The following CATSPERE variants were observed in gnomAD, a reference collection of about 807,000 sequenced individuals.
CATSPERE encodes catsper channel auxiliary subunit epsilon, also known as cation channel sperm-associated auxiliary subunit epsilon.
CATSPERE carries 93 observed loss-of-function variants against 114.1 expected under a neutral mutation model. The observed-to-expected ratio is 0.81, with a 90% CI of 0.69 to 0.97. The LOEUF is 0.97. CATSPERE is among the 50% of genes least tolerant of loss of function. The pLI, the probability that CATSPERE is intolerant of heterozygous loss-of-function variation, is 0.00. For synonymous variants in CATSPERE, 341 were observed against 384.1 expected (o/e 0.89, Z 1.31); for missense variants, 1,058 against 1,131.6 (o/e 0.93, Z 0.93).
intron 13 of CATSPERE, among the ~76,000 whole-genome samples, chr1:244,585,196 C>T (rs971233037): frequency 6.6e-6 from 1 of 152,206 alleles, no homozygotes; most frequent in South Asian, 2.1e-4. Flanking sequence ...TACTCTGAGC[C>T]TCAGCTGCCT....
chr1:244,592,211 A>G (rs369741257), intron 15 of CATSPERE, among the ~76,000 whole-genome samples: 152 of 152,274 alleles, frequency 1.0e-3, no homozygotes, highest in African/African-American at 3.5e-3. Flanking sequence ...CTAGCCGGGC[A>G]TGGTGGCTTA....
intron 19 of CATSPERE, among the ~76,000 whole-genome samples, chr1:244,611,776 T>A (rs1670763245): frequency 6.6e-6 from 1 of 152,092 alleles, no homozygotes. Context: ...AAAAGGCACC[T>A]AAATATTCTA....
chr1:244,514,801 C>T (rs912801632), intron 7 of CATSPERE, among the ~76,000 whole-genome samples: 1 of 146,758 alleles, frequency 6.8e-6, no homozygotes, highest in Non-Finnish European at 1.5e-5. Flanking sequence ...TGCACTCCAG[C>T]CTGGCGGACA....
intron 5 of CATSPERE, among the ~76,000 whole-genome samples, chr1:244,487,126 G>A (rs1316467598): frequency 2.6e-5 from 4 of 151,184 alleles, no homozygotes; most frequent in Non-Finnish European, 5.9e-5. Context: ...CTGGTGGGTG[G>A]TTCAGCGTGT....
At chr1:244,453,755 T>C (rs928553280), upstream of CATSPERE, among the ~76,000 whole-genome samples, 2 of 152,168 alleles carry the variant, frequency 1.3e-5, no homozygotes, top group Non-Finnish European at 2.9e-5. Flanking sequence ...TGTAGCCCCA[T>C]TGCAGGGCAG....
At chr1:244,514,227 A>G (rs1381640794) in intron 7 of CATSPERE, among the ~76,000 whole-genome samples, 2 of 152,206 alleles carry the variant, frequency 1.3e-5, no homozygotes, top group Non-Finnish European at 2.9e-5. Context: ...AGCTCTTAAC[A>G]TTTCAGGAAT....
intron 7 of CATSPERE, among the ~76,000 whole-genome samples, chr1:244,500,522 T>C (rs944055544): frequency 2.0e-5 from 3 of 152,174 alleles, no homozygotes; most frequent in African/African-American, 7.2e-5. Flanking sequence ...AATTTTTGTG[T>C]GAGGTTTAAG....
At chr1:244,625,707 G>A (rs1553391826) in intron 20 of CATSPERE, among the ~76,000 whole-genome samples, 2 of 151,220 alleles carry the variant, frequency 1.3e-5, no homozygotes, top group Admixed American at 6.6e-5. Context: ...GATTACAGGT[G>A]TGAGCCACCG....
intron 2 of CATSPERE, among the ~76,000 whole-genome samples, chr1:244,466,733 A>G (rs1401783229): frequency 6.6e-6 from 1 of 152,164 alleles, no homozygotes; most frequent in Non-Finnish European, 1.5e-5. Flanking sequence ...TTTTAGGTTT[A>G]TCAATAGTCA....
At chr1:244,620,432 C>T (rs1671942072) in intron 20 of CATSPERE, among the ~76,000 whole-genome samples, 1 of 152,172 alleles carries the variant, frequency 6.6e-6, no homozygotes, top group Non-Finnish European at 1.5e-5. Flanking sequence ...AATAGAAGCA[C>T]ATTGAGTGGG....
intron 7 of CATSPERE, 106 bp downstream of exon 7, chr1:244,499,185 C>A: frequency 2.8e-6 from 2 of 720,114 alleles, no homozygotes; most frequent in Non-Finnish European, 4.7e-6. Flanking sequence ...AAGCTGCCCA[C>A]ACCTAACTAA....
chr1:244,562,477 C>T (rs1195765741), intron 10 of CATSPERE, among the ~76,000 whole-genome samples: 2 of 152,024 alleles, frequency 1.3e-5, no homozygotes, highest in Non-Finnish European at 2.9e-5. Flanking sequence ...TCAGAGATTA[C>T]GAATATTTAA....
rs1449421892 is a variant in CATSPERE at position 244,626,106 on chromosome 1, G to A, written c.2648+8420G>A. On this transcript the variant is annotated intron_variant, in intron 20 of 21. Coordinates refer to ENST00000366534, the MANE Select transcript of CATSPERE (RefSeq NM_001130957.2). ...TGATTGCTGGCTTTAACTTAAAATC[G>A]TCAGCTACATTAGCCTCTAACAAGA... Among the ~76,000 whole-genome samples the A allele has an allele frequency of 2.6e-5, 4 of 152,172 alleles. No individual in the cohort carries two copies. The East Asian group carries it at 5.8e-4, about 22-fold the overall frequency.
At chr1:244,628,440 C>T (rs1013287863) in intron 20 of CATSPERE, among the ~76,000 whole-genome samples, 2 of 152,130 alleles carry the variant, frequency 1.3e-5, no homozygotes, top group African/African-American at 4.8e-5. Flanking sequence ...AATAGGCTAA[C>T]CATATGGTGC....
chr1:244,470,951 G>C (rs557292297), intron 2 of CATSPERE, among the ~76,000 whole-genome samples: 1 of 152,318 alleles, frequency 6.6e-6, no homozygotes, highest in East Asian at 1.9e-4. Context: ...CACATGAAAT[G>C]TCCAGAATAG....
chr1:244,557,214 T>G (rs1661719140), intron 9 of CATSPERE, among the ~76,000 whole-genome samples: 1 of 151,978 alleles, frequency 6.6e-6, no homozygotes, highest in Non-Finnish European at 1.5e-5. Context: ...TCTTTCATGG[T>G]TCCATATGAA....
At chr1:244,636,299 GT>G (rs58917371) in intron 21 of CATSPERE, among the ~76,000 whole-genome samples, 2 of 151,870 alleles carry the variant, frequency 1.3e-5, no homozygotes, top group East Asian at 1.9e-4. Context: ...TGTTTGATGG[GT>G]TTTTTTTGCG....
chr1:244,625,428 A>ATTTTTTTTTTTTT lies in CATSPERE; in HGVS notation c.2648+7743_2648+7744insTTTTTTTTTTTTT, dbSNP rs1234328450. On this transcript the variant is annotated intron_variant, in intron 20 of 21. Transcript: ENST00000366534. The stretch of plus-strand genomic sequence containing the variant: ...TATTTATATATATATATATATATAT[A>ATTTTTTTTTTTTT]TATATTTTTTTTTTTTTTTGAGATG... Among the ~76,000 whole-genome samples the ATTTTTTTTTTTTT allele has an allele frequency of 7.5e-3, 28 of 3,744 alleles. 1 individual carries two copies. Among genetic ancestry groups the ATTTTTTTTTTTTT allele is most frequent in the African/African-American group, 9.1e-3 (17 of 1,868 alleles). 2.5% of individuals were successfully genotyped at this position (3,744 alleles called of 152,430 possible). A position where few individuals can be genotyped will look rare whatever the true frequency, so the allele number is the denominator to read the frequency against.
chr1:244,454,613 G>A (rs997980124), exon 1 of CATSPERE: 35 of 149,474 alleles, frequency 2.3e-4, no homozygotes, highest in African/African-American at 7.4e-4. Context: ...CGGCACAGAG[G>A]GTATGAAATT....
Sources: allele counts gnomAD v4.1 joint callset (sites outside exome capture counted in the v4.1 genomes callset), GRCh38; gene constraint gnomAD v4.1.1; transcripts MANE v1.5; gene names NCBI Gene and HGNC (gene_info 2026-07-23, HGNC 2026-07-21).